Variants in KHDRBS2 observed in about 807,000 individuals in gnomAD.
KHDRBS2 encodes KH RNA binding domain containing, signal transduction associated 2.
A neutral mutation model predicts 44.3 loss-of-function variants in KHDRBS2; 26 were observed. The observed-to-expected ratio is 0.59, with a 90% CI of 0.43 to 0.81. KHDRBS2 has a LOEUF of 0.81. Among genes scored for constraint, KHDRBS2 ranks in the 40% least tolerant of loss-of-function variants. The pLI is 0.00. For synonymous variants in KHDRBS2, 194 were observed against 151.1 expected, an observed-to-expected ratio of 1.28 and a Z score of -2.08; for missense variants, 476 against 433.1, an observed-to-expected ratio of 1.10 and a Z score of -0.88.
At chr6:61,715,078 A>G (rs1771163005) in intron 7 of KHDRBS2, among the ~76,000 whole-genome samples, 1 of 151,942 alleles carries the variant, frequency 6.6e-6, no homozygotes, top group African/African-American at 2.4e-5. Flanking sequence ...AATTTATACA[A>G]CAAATATAAA....
chr6:62,095,863 A>C (rs1800488937), intron 2 of KHDRBS2, among the ~76,000 whole-genome samples: 3 of 151,874 alleles, frequency 2.0e-5, no homozygotes, highest in Admixed American at 2.0e-4. Context: ...TCTATTTTAT[A>C]CAGAATTTAT....
chr6:61,769,021 T>C (rs1780424389), intron 6 of KHDRBS2, among the ~76,000 whole-genome samples: 1 of 152,192 alleles, frequency 6.6e-6, no homozygotes, highest in South Asian at 2.1e-4. Context: ...CAGCCTTTAT[T>C]CAATGTCTTT....
At chr6:61,672,180 A>AT in the KHDRBS2 span, among the ~76,000 whole-genome samples, 1 of 148,278 alleles carries the variant, frequency 6.7e-6, no homozygotes, top group Non-Finnish European at 1.5e-5. Flanking sequence ...TGAACTCATC[A>AT]TTTTTTATGG....
intron 1 of KHDRBS2, among the ~76,000 whole-genome samples, chr6:62,270,527 T>C (rs1044934922): frequency 6.6e-5 from 10 of 151,750 alleles, no homozygotes; most frequent in African/African-American, 2.4e-4. Flanking sequence ...TTTATAACAA[T>C]ACAAAAAAGA....
chr6:62,008,646 C>T (rs909158163), intron 3 of KHDRBS2, among the ~76,000 whole-genome samples: 12 of 152,176 alleles, frequency 7.9e-5, no homozygotes, highest in Admixed American at 3.3e-4. Flanking sequence ...CCATAATTCC[C>T]ATGTGTTGTG....
chr6:61,624,379 C>T, the KHDRBS2 span, among the ~76,000 whole-genome samples: 1 of 152,150 alleles, frequency 6.6e-6, no homozygotes, highest in South Asian at 2.1e-4. Flanking sequence ...CAAGTGGACA[C>T]TTGTTGACAA....
chr6:62,278,088 T>G (rs1041433496), intron 1 of KHDRBS2, among the ~76,000 whole-genome samples: 2 of 152,190 alleles, frequency 1.3e-5, no homozygotes, highest in African/African-American at 4.8e-5. Flanking sequence ...AATTCAGCAG[T>G]TTGTGGGGAA....
chr6:61,773,940 G>T (rs1781469811), intron 6 of KHDRBS2, among the ~76,000 whole-genome samples: 1 of 152,082 alleles, frequency 6.6e-6, no homozygotes, highest in African/African-American at 2.4e-5. Flanking sequence ...GTTTGTCAAA[G>T]ATCAGATAGT....
the KHDRBS2 span, among the ~76,000 whole-genome samples, chr6:61,667,544 C>A: frequency 2.0e-5 from 3 of 151,188 alleles, no homozygotes; most frequent in Admixed American, 1.3e-4. Context: ...AACCATTAAG[C>A]CTTTTCCTAA....
chr6:61,658,718 G>A, the KHDRBS2 span, among the ~76,000 whole-genome samples: 1 of 151,840 alleles, frequency 6.6e-6, no homozygotes, highest in African/African-American at 2.4e-5. Context: ...CCACTGTTCA[G>A]ATTACACTAT....
intron 1 of KHDRBS2, among the ~76,000 whole-genome samples, chr6:62,184,619 T>C (rs1278744354): frequency 6.6e-6 from 1 of 151,738 alleles, no homozygotes. Flanking sequence ...CATTTAGAAA[T>C]TTGTCTTCAT....
At chr6:62,208,327 T>C (rs964962364) in intron 1 of KHDRBS2, among the ~76,000 whole-genome samples, 1 of 152,194 alleles carries the variant, frequency 6.6e-6, no homozygotes, top group Non-Finnish European at 1.5e-5. Context: ...ACTCCTGGTC[T>C]CAAATGGTCC....
intron 2 of KHDRBS2, among the ~76,000 whole-genome samples, chr6:62,064,547 A>T (rs1584463082): frequency 6.8e-6 from 1 of 147,564 alleles, no homozygotes; most frequent in African/African-American, 2.5e-5. Context: ...TCCCTATTTA[A>T]TAAATGGTGC....
At chr6:62,090,944 G>A (rs1428588993) in intron 2 of KHDRBS2, among the ~76,000 whole-genome samples, 1 of 152,192 alleles carries the variant, frequency 6.6e-6, no homozygotes, top group Non-Finnish European at 1.5e-5. Flanking sequence ...GGGTTAGAAT[G>A]GCAGAGCTCT....
intron 4 of KHDRBS2, among the ~76,000 whole-genome samples, chr6:61,928,534 T>C (rs1256689469): frequency 6.6e-6 from 1 of 151,620 alleles, no homozygotes; most frequent in Non-Finnish European, 1.5e-5. Context: ...TTATTCACAA[T>C]GATCAAATAT....
chr6:61,562,500 C>G, the KHDRBS2 span, among the ~76,000 whole-genome samples: 5 of 152,080 alleles, frequency 3.3e-5, no homozygotes, highest in Non-Finnish European at 5.9e-5. Flanking sequence ...CCCCCTTTTT[C>G]TTAGAGTTTT....
chr6:62,150,303 A>G (rs1251359008), intron 2 of KHDRBS2, among the ~76,000 whole-genome samples: 5 of 34,600 alleles, frequency 1.4e-4, no homozygotes, highest in Non-Finnish European at 3.0e-4. Flanking sequence ...GAGATTGTGG[A>G]AAAAAAAAAA....
the KHDRBS2 span, among the ~76,000 whole-genome samples, chr6:61,557,095 C>G: frequency 6.6e-6 from 1 of 152,004 alleles, no homozygotes; most frequent in Non-Finnish European, 1.5e-5. Flanking sequence ...CCCTCATGTA[C>G]CACCTGAAAT....
At chr6:62,127,162 A>C (rs1809164860) in intron 2 of KHDRBS2, among the ~76,000 whole-genome samples, 1 of 152,186 alleles carries the variant, frequency 6.6e-6, no homozygotes, top group Non-Finnish European at 1.5e-5. Context: ...TTTAAATACA[A>C]CTTCAGATTC....
Sources: allele counts gnomAD v4.1 joint callset (sites outside exome capture counted in the v4.1 genomes callset), GRCh38; gene constraint gnomAD v4.1.1; transcripts MANE v1.5; gene names NCBI Gene and HGNC (gene_info 2026-07-23, HGNC 2026-07-21).